FRMD6: variants seen among roughly 807,000 people sequenced by gnomAD.
FRMD6 encodes FERM domain containing 6, also known as FERM domain-containing protein 6.
A neutral mutation model predicts 73.2 loss-of-function variants in FRMD6; 37 were observed. The ratio of observed to expected loss-of-function variants is 0.51; its 90% confidence interval spans 0.39 to 0.66. The LOEUF is 0.66. Ranked by LOEUF, FRMD6 falls within the 30% of genes least tolerant of loss-of-function variation. FRMD6 has a pLI of 0.00. For synonymous variants in FRMD6, 273 were observed against 282.2 expected (o/e 0.97, Z 0.33); for missense variants, 714 against 780.5 (o/e 0.91, Z 1.02).
chr14:51,609,585 CAG>C (rs1890404399), intron 2 of FRMD6, among the ~76,000 whole-genome samples: 1 of 152,062 alleles, frequency 6.6e-6, no homozygotes, highest in Non-Finnish European at 1.5e-5. Flanking sequence ...ACATTCCTGG[CAG>C]AGAGAAAGGC....
chr14:51,482,143 C>T, the FRMD6 span, among the ~76,000 whole-genome samples: 4 of 152,172 alleles, frequency 2.6e-5, no homozygotes, highest in Non-Finnish European at 5.9e-5. Context: ...TTAGTGTTTT[C>T]CATAACATAA....
intron 1 of FRMD6, among the ~76,000 whole-genome samples, chr14:51,657,874 A>G (rs1892948099): frequency 6.6e-6 from 1 of 152,218 alleles, no homozygotes; most frequent in Non-Finnish European, 1.5e-5. Flanking sequence ...AGGAGGCCTT[A>G]GGTGACATCT....
At chr14:51,596,298 C>T (rs1418205384) in intron 2 of FRMD6, among the ~76,000 whole-genome samples, 1 of 149,150 alleles carries the variant, frequency 6.7e-6, no homozygotes, top group East Asian at 2.0e-4. Flanking sequence ...TGTGAAATTC[C>T]ACAGGAAATC....
chr14:51,710,754 A>G (rs1896897080), intron 7 of FRMD6, among the ~76,000 whole-genome samples: 1 of 152,126 alleles, frequency 6.6e-6, no homozygotes. Context: ...TAGTAATTTC[A>G]TTTCTATTTT....
chr14:51,665,596 T>G (rs1893528811), intron 1 of FRMD6, among the ~76,000 whole-genome samples: 3 of 152,182 alleles, frequency 2.0e-5, no homozygotes, highest in Non-Finnish European at 2.9e-5. Context: ...TGTACTAGTT[T>G]CTTGAAGACA....
chr14:51,520,306 G>A (rs778358069), intron 1 of FRMD6, among the ~76,000 whole-genome samples: 4 of 152,130 alleles, frequency 2.6e-5, no homozygotes, highest in East Asian at 1.9e-4. Flanking sequence ...ATTAGAAAAG[G>A]TGCAGAGCAA....
chr14:51,503,470 A>G (rs928206601), intron 1 of FRMD6, among the ~76,000 whole-genome samples: 4 of 152,156 alleles, frequency 2.6e-5, no homozygotes, highest in African/African-American at 9.7e-5. Flanking sequence ...GCATCTATTG[A>G]GATAATCATG....
chr14:51,532,104 C>T (rs1015267377), intron 1 of FRMD6, among the ~76,000 whole-genome samples: 7 of 152,118 alleles, frequency 4.6e-5, no homozygotes, highest in African/African-American at 1.7e-4. Context: ...CGTGGTGGCT[C>T]ACGCCTATAA....
intron 1 of FRMD6, among the ~76,000 whole-genome samples, chr14:51,539,228 C>T (rs771199888): frequency 4.6e-5 from 7 of 152,222 alleles, no homozygotes; most frequent in Non-Finnish European, 8.8e-5. Flanking sequence ...CTTCTGAATT[C>T]TTCCACCTAG....
intron 2 of FRMD6, among the ~76,000 whole-genome samples, chr14:51,593,902 C>A (rs1316314138): frequency 3.3e-5 from 5 of 152,070 alleles, no homozygotes; most frequent in African/African-American, 1.2e-4. Context: ...ACCCCCAACT[C>A]TACAAAATTT....
intron 2 of FRMD6, among the ~76,000 whole-genome samples, chr14:51,594,073 C>A (rs906271257): frequency 6.6e-6 from 1 of 152,122 alleles, no homozygotes; most frequent in African/African-American, 2.4e-5. Context: ...GAACTCACGA[C>A]ATTTCTTATA....
the FRMD6 span, among the ~76,000 whole-genome samples, chr14:51,426,319 A>C: frequency 1.3e-5 from 2 of 151,910 alleles, no homozygotes; most frequent in African/African-American, 4.8e-5. Flanking sequence ...TCTCAGCCTC[A>C]CCATTTGCAC....
chr14:51,721,338 A>G (rs1897550962), intron 11 of FRMD6, among the ~76,000 whole-genome samples: 1 of 152,350 alleles, frequency 6.6e-6, no homozygotes, highest in African/African-American at 2.4e-5. Context: ...TAGGCCAGGC[A>G]TGGTGGCTCA....
At chr14:51,673,223 G>A (rs1296558736) in intron 1 of FRMD6, among the ~76,000 whole-genome samples, 1 of 151,982 alleles carries the variant, frequency 6.6e-6, no homozygotes, top group Non-Finnish European at 1.5e-5. Flanking sequence ...GGAATTGTTT[G>A]ACCTATTGCT....
At chr14:51,591,310 A>G (rs1889379128) in intron 2 of FRMD6, among the ~76,000 whole-genome samples, 1 of 152,218 alleles carries the variant, frequency 6.6e-6, no homozygotes. Flanking sequence ...AAAACTTTAC[A>G]TTAAAGGAAC....
At chr14:51,483,960 C>T in the FRMD6 span, among the ~76,000 whole-genome samples, 1 of 152,174 alleles carries the variant, frequency 6.6e-6, no homozygotes, top group African/African-American at 2.4e-5. Context: ...CCCAAAGCCA[C>T]ATAGCTGGGG....
the FRMD6 span, among the ~76,000 whole-genome samples, chr14:51,459,613 G>T: frequency 6.6e-6 from 1 of 151,944 alleles, no homozygotes; most frequent in Non-Finnish European, 1.5e-5. Flanking sequence ...GGATCACGAG[G>T]TCAGGAGATT....
rs532993389 is a variant in FRMD6 at position 51,561,449 on chromosome 14, T to A, written c.-209-8899T>A. 7.9e-5 allele frequency among the ~76,000 whole-genome samples: 12 copies of A among 152,314 alleles called. No homozygotes were observed. In the South Asian group the frequency reaches 2.5e-3, roughly 32 times the overall value. On this transcript the variant is annotated intron_variant, in intron 1 of 14. Transcript: ENST00000356218. Reference sequence around the variant, plus strand: ...CTGTGGCTAAGCACTAAGAATGTATTGTGAACTACCAGTGCTCAGGGAGCA... The same window carrying A: ...CTGTGGCTAAGCACTAAGAATGTATAGTGAACTACCAGTGCTCAGGGAGCA...
chr14:51,529,642 A>C (rs1885466429), intron 1 of FRMD6, among the ~76,000 whole-genome samples: 1 of 152,218 alleles, frequency 6.6e-6, no homozygotes, highest in South Asian at 2.1e-4. Flanking sequence ...GTAAATATAA[A>C]ATTGGGAATT....
Sources: allele counts gnomAD v4.1 joint callset (sites outside exome capture counted in the v4.1 genomes callset), GRCh38; gene constraint gnomAD v4.1.1; transcripts MANE v1.5; gene names NCBI Gene and HGNC (gene_info 2026-07-23, HGNC 2026-07-21).